PDLIM1: variants seen among roughly 807,000 people sequenced by gnomAD.
PDLIM1 encodes PDZ and LIM domain 1.
A neutral mutation model predicts 35.2 loss-of-function variants in PDLIM1; 25 were observed. That is an observed-to-expected ratio of 0.71 (90% CI 0.52 to 0.99). The LOEUF (loss-of-function observed/expected upper bound fraction) is 0.99, where lower values mean the gene tolerates loss of function less well. Ranked by LOEUF, PDLIM1 falls within the 50% of genes least tolerant of loss-of-function variation. PDLIM1 has a pLI of 0.00. For synonymous variants in PDLIM1, 152 were observed against 154.0 expected (o/e 0.99, Z 0.10); for missense variants, 363 against 415.3 (o/e 0.87, Z 1.09).
At chr10:95,276,896 TAAAAAAAAA>T (rs61442624) in intron 1 of PDLIM1, among the ~76,000 whole-genome samples, 1 of 68,878 alleles carries the variant, frequency 1.5e-5, no homozygotes, top group Non-Finnish European at 2.6e-5. Context: ...TTCAGTTTCC[TAAAAAAAAA>T]AAAAAAAAAA....
chr10:95,284,606 G>T (rs12269578), intron 1 of PDLIM1, among the ~76,000 whole-genome samples: 2,873 of 152,198 alleles, frequency 0.019, 104 homozygotes, highest in African/African-American at 0.065. Context: ...CACCCACCTT[G>T]GCCTCCCAAA....
Position 95,290,676 on chromosome 10 carries a change from C to T in PDLIM1, c.96+144G>A, listed in dbSNP as rs1037508992. The T allele has an allele frequency of 1.2e-5, 5 of 413,054 alleles. No homozygotes were observed. Among genetic ancestry groups the T allele is most frequent in the Non-Finnish European group, 2.1e-5 (5 of 238,962 alleles). 25.6% of individuals were successfully genotyped at this position (413,054 alleles called of 1,614,324 possible). On this transcript the variant is annotated intron_variant, in intron 1 of 6. Coordinates refer to ENST00000329399, the MANE Select transcript of PDLIM1 (RefSeq NM_020992.4). The surrounding 1 kb of genome is among the most constrained non-coding windows in gnomAD (Gnocchi z 4.7). ...GGCGGGGAGCGGCGGGGCCCGGGCG[C>T]GCGGAGAGCGCTCAACTAACAGCGC...
chr10:95,240,121 G>A (rs750911487), intron 5 of PDLIM1, among the ~76,000 whole-genome samples: 31 of 152,256 alleles, frequency 2.0e-4, no homozygotes, highest in South Asian at 6.2e-4. Flanking sequence ...ATTCAGCCCA[G>A]CAATCCCATT....
chr10:95,270,301 A>C (rs1481156912), intron 2 of PDLIM1, among the ~76,000 whole-genome samples: 1 of 151,802 alleles, frequency 6.6e-6, no homozygotes, highest in Non-Finnish European at 1.5e-5. Context: ...ATACTCCCCC[A>C]CACTCGATCC....
Position 95,249,082 on chromosome 10 carries a change from G to A in PDLIM1, c.534-1716C>T, listed in dbSNP as rs539574412. ...GGAGGGCAGGAGCATGGCCTGTCTT[G>A]CTCCCCATCACATTCCCAGGCCCGG... On this transcript the variant is annotated intron_variant, in intron 4 of 6. Transcript: ENST00000329399. Among the ~76,000 whole-genome samples, 37 of 152,346 alleles carry A rather than the reference G, an allele frequency of 2.4e-4. 2 individuals are homozygous for A. In the South Asian group the frequency reaches 5.6e-3, roughly 23 times the overall value.
intron 1 of PDLIM1, among the ~76,000 whole-genome samples, chr10:95,284,361 T>G (rs1365924287): frequency 1.3e-5 from 2 of 151,110 alleles, no homozygotes; most frequent in Non-Finnish European, 2.9e-5. Flanking sequence ...CTGTATGCAT[T>G]TTTTTTTTCT....
At chr10:95,264,844 A>G (rs902731527) in intron 3 of PDLIM1, among the ~76,000 whole-genome samples, 26 of 152,092 alleles carry the variant, frequency 1.7e-4, no homozygotes, top group African/African-American at 5.1e-4. Context: ...AACATCTCAG[A>G]GCTCCTTTAC....
chr10:95,286,306 G>A (rs71482350), intron 1 of PDLIM1, among the ~76,000 whole-genome samples: 4 of 151,732 alleles, frequency 2.6e-5, no homozygotes, highest in Admixed American at 6.6e-5. Flanking sequence ...GCAGTGAGCC[G>A]AGATCATGCC....
chr10:95,261,138 A>G (rs1317039539), intron 4 of PDLIM1, among the ~76,000 whole-genome samples: 1 of 152,240 alleles, frequency 6.6e-6, no homozygotes, highest in African/African-American at 2.4e-5. Context: ...AGGCTTAAAC[A>G]GCCACCTGGT....
chr10:95,266,060 T>G (rs1440671146), intron 3 of PDLIM1, among the ~76,000 whole-genome samples: 11 of 151,948 alleles, frequency 7.2e-5, no homozygotes, highest in African/African-American at 2.7e-4. Flanking sequence ...TAGCTAGGCG[T>G]GGTGGCACCT....
At chr10:95,257,043 C>CAGAAAGA (rs2035322376) in intron 4 of PDLIM1, among the ~76,000 whole-genome samples, 1 of 53,986 alleles carries the variant, frequency 1.9e-5, no homozygotes, top group African/African-American at 8.3e-5. Context: ...AGAAAGAATT[C>CAGAAAGA]AAAATAGATT....
chr10:95,238,206 G>A (rs969662294), intron 6 of PDLIM1, 95 bp from the exon 7 acceptor site: 3 of 1,125,154 alleles, frequency 2.7e-6, no homozygotes, highest in South Asian at 1.5e-5. Context: ...GCAGGGGCCT[G>A]GGGCTTCTCC....
chr10:95,288,781 T>C (rs972710871), intron 1 of PDLIM1, among the ~76,000 whole-genome samples: 1 of 152,230 alleles, frequency 6.6e-6, no homozygotes, highest in East Asian at 1.9e-4. Context: ...TTACCTCTTC[T>C]GAGTCACTTC....
chr10:95,270,599 A>T (rs1243925500), intron 2 of PDLIM1, among the ~76,000 whole-genome samples: 2 of 152,144 alleles, frequency 1.3e-5, no homozygotes, highest in Non-Finnish European at 2.9e-5. Flanking sequence ...TGCTACCCTC[A>T]TTCATTCTTT....
chr10:95,290,836 G>A lies in PDLIM1; in HGVS notation c.80C>T (p.Pro27Leu). ...TGCTCTTACCCGGGAAATGGCGAGA[G>A]GCTGCTCGAAGTCCTTGCCGCCCAC... ...RLVGGKDFEQ[P>L]LAISRVTPGS... The change falls in exon 1 of 7, where the codon CCT becomes CTT. Residue 27 changes from proline to leucine, a missense_variant. Pro to Leu is a moderately conservative substitution (Grantham distance 98, BLOSUM62 -3). Transcript: ENST00000329399. The surrounding 1 kb of genome is among the most constrained non-coding windows in gnomAD (Gnocchi z 4.7). 1.3e-6 allele frequency: 2 copies of A among 1,563,746 alleles called. No individual in the cohort carries two copies. The highest frequency in any genetic ancestry group is 1.7e-6 in the Non-Finnish European group (2 of 1,154,526).
At chr10:95,266,748 G>T (rs1042907740) in intron 3 of PDLIM1, among the ~76,000 whole-genome samples, 1 of 152,158 alleles carries the variant, frequency 6.6e-6, no homozygotes, top group African/African-American at 2.4e-5. Context: ...ACTTTCTAAA[G>T]AATCTTTCAA....
chr10:95,283,748 G>C (rs1008784437), intron 1 of PDLIM1, among the ~76,000 whole-genome samples: 1 of 152,252 alleles, frequency 6.6e-6, no homozygotes, highest in Non-Finnish European at 1.5e-5. Context: ...AAATGGTAAC[G>C]ATACAGCTGA....
At chr10:95,238,517 G>T in intron 6 of PDLIM1, 51 bp downstream of exon 6, 1 of 1,141,240 alleles carries the variant, frequency 8.8e-7, no homozygotes, top group South Asian at 1.2e-5. Context: ...ACATTTTCAT[G>T]GTTTACCCAA....
chr10:95,258,814 G>GT (rs1301994310), intron 4 of PDLIM1, among the ~76,000 whole-genome samples: 2 of 151,774 alleles, frequency 1.3e-5, no homozygotes, highest in Non-Finnish European at 1.5e-5. Flanking sequence ...TAAATTTCAT[G>GT]TTTTTTAACA....
Sources: allele counts gnomAD v4.1 joint callset (sites outside exome capture counted in the v4.1 genomes callset), GRCh38; gene constraint gnomAD v4.1.1; non-coding constraint Gnocchi (gnomAD v3.1); transcripts MANE v1.5; gene names NCBI Gene and HGNC (gene_info 2026-07-23, HGNC 2026-07-21).